DENND1A: variants seen among roughly 807,000 people sequenced by gnomAD.
DENND1A encodes DENN domain-containing protein 1A.
In DENND1A, 51 loss-of-function variants were observed where a neutral mutation model predicts 113.7. That is an observed-to-expected ratio of 0.45 (90% CI 0.36 to 0.57). The LOEUF (loss-of-function observed/expected upper bound fraction) is 0.57. Among genes scored for constraint, DENND1A ranks in the 20% least tolerant of loss-of-function variants. The pLI, the probability that DENND1A is intolerant of heterozygous loss-of-function variation, is 0.00. For synonymous variants in DENND1A, 565 were observed against 570.8 expected, an observed-to-expected ratio of 0.99 and a Z score of 0.14; for missense variants, 1,258 against 1,395.9, an observed-to-expected ratio of 0.90 and a Z score of 1.57.
At chr9:123,651,614 A>C (rs1448864042) in intron 9 of DENND1A, among the ~76,000 whole-genome samples, 1 of 152,240 alleles carries the variant, frequency 6.6e-6, no homozygotes, top group Admixed American at 6.5e-5. Flanking sequence ...AAGCCAAAAG[A>C]TGTTCATTGC....
At chr9:123,489,898 C>T (rs1564587169) in intron 13 of DENND1A, among the ~76,000 whole-genome samples, 1 of 152,218 alleles carries the variant, frequency 6.6e-6, no homozygotes, top group Non-Finnish European at 1.5e-5. Flanking sequence ...CCTGCATGTT[C>T]TGATCCCAAC....
intron 5 of DENND1A, among the ~76,000 whole-genome samples, chr9:123,696,677 G>C (rs2065540461): frequency 6.6e-6 from 1 of 152,144 alleles, no homozygotes; most frequent in South Asian, 2.1e-4. Flanking sequence ...GAATTAGGAA[G>C]CATTCCTAAT....
At chr9:123,693,855 ATCTC>A (rs1374179903) in intron 5 of DENND1A, among the ~76,000 whole-genome samples, 3 of 136,372 alleles carry the variant, frequency 2.2e-5, no homozygotes, top group Middle Eastern at 3.6e-3. Context: ...TTGAGACAGA[ATCTC>A]TCTCTTTCAC....
intron 2 of DENND1A, among the ~76,000 whole-genome samples, chr9:123,831,419 A>G (rs1412947250): frequency 6.6e-6 from 1 of 152,202 alleles, no homozygotes; most frequent in Non-Finnish European, 1.5e-5. Context: ...AATCTTAGCA[A>G]GGCACTTTAA....
At chr9:123,523,979 T>G (rs2054602213) in intron 13 of DENND1A, among the ~76,000 whole-genome samples, 2 of 152,180 alleles carry the variant, frequency 1.3e-5, no homozygotes. Flanking sequence ...GGCCCTTTTG[T>G]GCCTGCTGAA....
intron 19 of DENND1A, chr9:123,414,346 CCT>C: frequency 1.4e-6 from 2 of 1,415,198 alleles, no homozygotes; most frequent in Non-Finnish European, 1.8e-6. Context: ...CTGCCTCCAG[CCT>C]CTCCCCCTCC....
intron 20 of DENND1A, among the ~76,000 whole-genome samples, chr9:123,404,093 G>C (rs1169217283): frequency 6.6e-6 from 1 of 152,166 alleles, no homozygotes; most frequent in African/African-American, 2.4e-5. Flanking sequence ...ATCTTGTGTA[G>C]CTACATGCAC....
chr9:123,886,354 G>T (rs1367574016), intron 1 of DENND1A, among the ~76,000 whole-genome samples: 1 of 152,084 alleles, frequency 6.6e-6, no homozygotes, highest in Non-Finnish European at 1.5e-5. Flanking sequence ...CACAATGGTA[G>T]GCCCTAGTCC....
intron 4 of DENND1A, among the ~76,000 whole-genome samples, chr9:123,761,445 A>C (rs770873298): frequency 1.3e-5 from 2 of 152,236 alleles, no homozygotes; most frequent in Non-Finnish European, 2.9e-5. Flanking sequence ...TTTGCTTAGA[A>C]TCTTCCTGAT....
chr9:123,516,297 A>G (rs932585599), intron 13 of DENND1A, among the ~76,000 whole-genome samples: 1 of 152,120 alleles, frequency 6.6e-6, no homozygotes, highest in Non-Finnish European at 1.5e-5. Flanking sequence ...GGGGAATCCC[A>G]GTCCAGAAAG....
chr9:123,409,462 G>A (rs560192124), intron 20 of DENND1A, among the ~76,000 whole-genome samples: 2 of 151,508 alleles, frequency 1.3e-5, no homozygotes, highest in South Asian at 2.1e-4. Flanking sequence ...GAAGTATCAC[G>A]CAAATATTCT....
At chr9:123,761,310 G>T (rs2071018832) in intron 4 of DENND1A, among the ~76,000 whole-genome samples, 1 of 152,136 alleles carries the variant, frequency 6.6e-6, no homozygotes, top group South Asian at 2.1e-4. Flanking sequence ...CCAACCCAAA[G>T]GATGTTTTGA....
At chr9:123,614,264 T>C (rs2137906406) in intron 10 of DENND1A, among the ~76,000 whole-genome samples, 1 of 152,274 alleles carries the variant, frequency 6.6e-6, no homozygotes, top group South Asian at 2.1e-4. Context: ...ACACAGCACA[T>C]ACTCAGTACT....
At chr9:123,885,027 A>ACT (rs1466282360) in intron 1 of DENND1A, among the ~76,000 whole-genome samples, 2 of 128,788 alleles carry the variant, frequency 1.6e-5, no homozygotes, top group African/African-American at 3.7e-5. Flanking sequence ...ACACACACAC[A>ACT]CACTCACTCT....
chr9:123,576,229 T>C (rs1485114551), intron 12 of DENND1A, among the ~76,000 whole-genome samples: 1 of 152,212 alleles, frequency 6.6e-6, no homozygotes, highest in Non-Finnish European at 1.5e-5. Context: ...AGAATACTTC[T>C]ATTCTCCACC....
intron 6 of DENND1A, among the ~76,000 whole-genome samples, chr9:123,671,853 G>A (rs2063781312): frequency 6.6e-6 from 1 of 152,148 alleles, no homozygotes; most frequent in Non-Finnish European, 1.5e-5. Context: ...AAGTACAACA[G>A]CATGCAATAT....
intron 12 of DENND1A, among the ~76,000 whole-genome samples, chr9:123,582,674 C>G (rs2058970162): frequency 1.3e-5 from 2 of 151,178 alleles, no homozygotes; most frequent in South Asian, 4.2e-4. Flanking sequence ...GCTGGGATTA[C>G]AGGTGTGAGC....
intron 10 of DENND1A, among the ~76,000 whole-genome samples, chr9:123,613,865 G>A (rs1307090121): frequency 1.3e-5 from 2 of 152,102 alleles, no homozygotes; most frequent in African/African-American, 4.8e-5. Context: ...TTGTTCTCTG[G>A]GAATTACTGC....
intron 1 of DENND1A, among the ~76,000 whole-genome samples, chr9:123,918,033 G>T (rs1488630683): frequency 6.6e-6 from 1 of 151,424 alleles, no homozygotes; most frequent in African/African-American, 2.4e-5. Context: ...AGAATAGCGT[G>T]AGCCCGGAAG....
Sources: gnomAD v4.1 joint callset for allele counts (sites outside exome capture counted in the v4.1 genomes callset) on GRCh38, gnomAD v4.1.1 for gene constraint, MANE v1.5 for transcripts, NCBI Gene and HGNC (gene_info 2026-07-23, HGNC 2026-07-21) for gene names.